The following GPC4 variants were observed in gnomAD, a reference collection of about 807,000 sequenced individuals.
GPC4 encodes the protein glypican 4.
A neutral mutation model predicts 35.0 loss-of-function variants in GPC4; 10 were observed. The ratio of observed to expected loss-of-function variants is 0.29; its 90% CI spans 0.18 to 0.48. The LOEUF is 0.48. GPC4 is among the 20% of genes least tolerant of loss of function. The pLI, the probability that GPC4 is intolerant of heterozygous loss-of-function variation, is 0.99. For missense variants in GPC4, 322 were observed against 451.3 expected (o/e 0.71, Z 2.60); for synonymous variants, 167 against 170.2 (o/e 0.98, Z 0.15).
intron 2 of GPC4, among the ~76,000 whole-genome samples, chrX:133,338,093 A>G (rs1420665047): frequency 1.8e-5 from 2 of 110,871 alleles, no homozygotes; most frequent in Non-Finnish European, 3.8e-5. Context: ...TAAATTGGTT[A>G]TAAGTTTGAA....
At chrX:133,409,320 TAAAAAAAAAAAAAAA>T (rs36008423) in intron 1 of GPC4, among the ~76,000 whole-genome samples, 52 of 31,805 alleles carry the variant, frequency 1.6e-3, no homozygotes, top group Admixed American at 8.0e-3. Flanking sequence ...GACCCTGCCT[TAAAAAAAAAAAAAAA>T]AAAAAAAAAA....
intron 4 of GPC4, among the ~76,000 whole-genome samples, chrX:133,310,261 C>T (rs1337416443): frequency 9.0e-6 from 1 of 111,539 alleles, no homozygotes. Context: ...TATAAAGACA[C>T]TCAAATTCGG....
intron 1 of GPC4, among the ~76,000 whole-genome samples, chrX:133,344,061 C>T (rs1481019798): frequency 1.8e-5 from 2 of 109,361 alleles, no homozygotes; most frequent in Non-Finnish European, 3.8e-5. Flanking sequence ...TTTTCAGTTG[C>T]TCATAACTCA....
chrX:133,375,503 G>A (rs1444449327), intron 1 of GPC4, among the ~76,000 whole-genome samples: 2 of 111,808 alleles, frequency 1.8e-5, no homozygotes, highest in Non-Finnish European at 3.8e-5. Context: ...AATCCTTAAT[G>A]GGAAAACCAC....
At chrX:133,335,370 A>G (rs1445968484) in intron 2 of GPC4, among the ~76,000 whole-genome samples, 3 of 111,461 alleles carry the variant, frequency 2.7e-5, no homozygotes, top group Non-Finnish European at 5.6e-5. Context: ...ACTCAGTGAT[A>G]TAGATTTAAA....
At chrX:133,308,878 C>T (rs1404569687) in intron 4 of GPC4, among the ~76,000 whole-genome samples, 5 of 109,656 alleles carry the variant, frequency 4.6e-5, no homozygotes, top group African/African-American at 1.7e-4. Flanking sequence ...GAACAAAAGG[C>T]AGTTTCCCGA....
rs1376724996 is a variant in GPC4, at chrX:133,415,083, A to C, written c.-118T>G. On this transcript the variant is annotated 5_prime_UTR_variant, in exon 1 of 9. Coordinates refer to ENST00000370828, the MANE Select transcript of GPC4 (RefSeq NM_001448.3). ...AGCGAGTGGAGCTGGAGGGAGAAGGAGTTGGAGTTGGTGGAAGAGGCGAGC... is the reference window on the plus strand; with the variant it reads ...AGCGAGTGGAGCTGGAGGGAGAAGGCGTTGGAGTTGGTGGAAGAGGCGAGC... The C allele has an allele frequency of 1.4e-6, 1 of 728,773 alleles. No homozygotes were observed. Among genetic ancestry groups the C allele is most frequent in the Non-Finnish European group, 2.0e-6 (1 of 508,971 alleles). 60.1% of individuals were successfully genotyped at this position (728,773 alleles called of 1,213,427 possible).
chrX:133,404,661 C>G (rs1206346649), intron 1 of GPC4, among the ~76,000 whole-genome samples: 2 of 108,656 alleles, frequency 1.8e-5, no homozygotes, highest in African/African-American at 6.8e-5. Flanking sequence ...TCGAGACCAG[C>G]CTGGCCAACA....
At chrX:133,406,747 CAAAAAAAAA>C (rs56973194) in intron 1 of GPC4, among the ~76,000 whole-genome samples, 2 of 38,320 alleles carry the variant, frequency 5.2e-5, no homozygotes, top group South Asian at 1.8e-3. Flanking sequence ...GACTTCGTCT[CAAAAAAAAA>C]AAAAAAAAAA....
At chrX:133,383,381 A>G (rs1455108975) in intron 1 of GPC4, among the ~76,000 whole-genome samples, 2 of 111,685 alleles carry the variant, frequency 1.8e-5, no homozygotes, top group Non-Finnish European at 1.9e-5. Context: ...ACATAACTAT[A>G]GAGACAGTCA....
rs376641237 is a variant in GPC4, at chrX:133,383,063, G to A, written c.160+31743C>T. 1.9e-3 allele frequency among the ~76,000 whole-genome samples: 209 copies of A among 111,701 alleles called. 1 individual carries two copies. The highest frequency in any genetic ancestry group is 6.5e-3 in the African/African-American group (200 of 30,827). On this transcript the variant is annotated intron_variant, in intron 1 of 8. Coordinates refer to ENST00000370828, the MANE Select transcript of GPC4 (RefSeq NM_001448.3). ...TACTCTCCTTGGTATTTATTCAAATGAGCTGAAAACATATTCACACAAAAC... is the reference window on the plus strand; with the variant it reads ...TACTCTCCTTGGTATTTATTCAAATAAGCTGAAAACATATTCACACAAAAC...
chrX:133,312,247 T>C (rs193282648), intron 3 of GPC4, among the ~76,000 whole-genome samples: 18 of 110,667 alleles, frequency 1.6e-4, no homozygotes, highest in African/African-American at 5.9e-4. Flanking sequence ...CATCTCAGAA[T>C]GGGGTTGGGG....
intron 2 of GPC4, among the ~76,000 whole-genome samples, chrX:133,330,896 T>C (rs1316330266): frequency 9.0e-6 from 1 of 110,695 alleles, no homozygotes; most frequent in African/African-American, 3.3e-5. Flanking sequence ...GAGCTATGAT[T>C]ACACCACTGC....
intron 7 of GPC4, 67 bp downstream of exon 7, chrX:133,304,658 C>A: frequency 2.6e-6 from 3 of 1,156,242 alleles, no homozygotes; most frequent in Non-Finnish European, 3.5e-6. Flanking sequence ...ATTGAGAGAA[C>A]CCTCTCTGAA....
intron 1 of GPC4, chrX:133,414,328 C>T (rs1027243825): frequency 1.7e-4 from 37 of 221,394 alleles, no homozygotes; most frequent in Non-Finnish European, 2.2e-4. Context: ...ATCTAGCAAG[C>T]TCCGGGACGT....
At chrX:133,409,934 C>T (rs181879841) in intron 1 of GPC4, among the ~76,000 whole-genome samples, 21 of 111,568 alleles carry the variant, frequency 1.9e-4, no homozygotes, top group Admixed American at 4.8e-4. Context: ...TCTCTTGCCT[C>T]GCCAACCCTT....
At chrX:133,404,401 G>T (rs1027603541) in intron 1 of GPC4, among the ~76,000 whole-genome samples, 4 of 108,547 alleles carry the variant, frequency 3.7e-5, no homozygotes, top group African/African-American at 1.4e-4. Flanking sequence ...ACAAAAATTA[G>T]CTAGGCGTGG....
intron 1 of GPC4, among the ~76,000 whole-genome samples, chrX:133,399,618 A>C (rs1186855463): frequency 1.8e-5 from 2 of 112,268 alleles, no homozygotes; most frequent in Non-Finnish European, 3.8e-5. Context: ...ATCAGGGCCC[A>C]GCTGAGTCAA....
At position 133,329,356 on chromosome X, in the gene GPC4, C is replaced by A. The variant is rs1313646491; in HGVS notation, c.320-4820G>T. Reference sequence around the variant, plus strand: ...GTATCTACAATCCTTTAAAAAAAATCTTTAAAGACTGGTTTTTATCTTTCC... The same window carrying A: ...GTATCTACAATCCTTTAAAAAAAATATTTAAAGACTGGTTTTTATCTTTCC... On this transcript the variant is annotated intron_variant, in intron 2 of 8. Transcript: ENST00000370828. Among the ~76,000 whole-genome samples, 3 of 112,061 alleles carry A rather than the reference C, an allele frequency of 2.7e-5. No individual in the cohort carries two copies. In the East Asian group the frequency reaches 8.4e-4, roughly 31 times the overall value.
Sources: allele counts gnomAD v4.1 joint callset (sites outside exome capture counted in the v4.1 genomes callset), GRCh38; gene constraint gnomAD v4.1.1; transcripts MANE v1.5; gene names NCBI Gene and HGNC (gene_info 2026-07-23, HGNC 2026-07-21).